UBE4B: variants seen among roughly 807,000 people sequenced by gnomAD.
UBE4B encodes the protein ubiquitin conjugation factor E4 B.
A neutral mutation model predicts 148.1 loss-of-function variants in UBE4B; 27 were observed. That is an observed-to-expected ratio of 0.18 (90% CI 0.13 to 0.25). The LOEUF (loss-of-function observed/expected upper bound fraction) is 0.25, where lower values mean the gene tolerates loss of function less well. Ranked by LOEUF, UBE4B falls within the 10% of genes least tolerant of loss-of-function variation. UBE4B has a pLI of 1.00. For missense variants in UBE4B, 1,170 were observed against 1,662.4 expected (o/e 0.70, Z 5.15); for synonymous variants, 596 against 619.3 (o/e 0.96, Z 0.56).
At chr1:10,079,969 G>A (rs568419807) in intron 2 of UBE4B, among the ~76,000 whole-genome samples, 1 of 152,226 alleles carries the variant, frequency 6.6e-6, no homozygotes, top group Admixed American at 6.5e-5. Flanking sequence ...GGGCCTCCAG[G>A]GGCTCACTGT....
chr1:10,152,961 G>A (rs1646001817), intron 21 of UBE4B, among the ~76,000 whole-genome samples: 1 of 151,778 alleles, frequency 6.6e-6, no homozygotes, highest in South Asian at 2.1e-4. Flanking sequence ...TCTGTGGAAG[G>A]CCCTTGGCCA....
At position 10,119,524 on chromosome 1, in the gene UBE4B, G is replaced by T; in HGVS notation, c.1350G>T (p.Gln450His). 1 of 1,613,584 alleles carries T rather than the reference G, an allele frequency of 6.2e-7. No homozygotes were observed. Among genetic ancestry groups the T allele is most frequent in the Non-Finnish European group, 8.5e-7 (1 of 1,179,626 alleles). Residue 450 changes from glutamine (Q) to histidine (H), a missense_variant, in exon 9 of 28, where the codon CAG (glutamine) becomes CAT (histidine). Coordinates refer to ENST00000343090, the MANE Select transcript of UBE4B (RefSeq NM_001105562.3). ...EEKKAPKMCS[Q>H]PAVSQLLSNI... ...CCTTTCCTTTTCAGATGTGCAGCCA[G>T]CCAGCAGTCAGCCAGCTTCTGAGCA...
intron 20 of UBE4B, among the ~76,000 whole-genome samples, chr1:10,150,355 T>C (rs1486101260): frequency 2.0e-5 from 3 of 152,224 alleles, no homozygotes; most frequent in Non-Finnish European, 2.9e-5. Context: ...ATTTGTTCTA[T>C]GCACAGTGAT....
At chr1:10,177,670 T>C (rs1646447798) in intron 25 of UBE4B, among the ~76,000 whole-genome samples, 1 of 151,614 alleles carries the variant, frequency 6.6e-6, no homozygotes, top group Non-Finnish European at 1.5e-5. Context: ...TATATATATA[T>C]ATTTATAGTA....
In UBE4B at chr1:10,146,895, T is replaced by TGCCCAGTCCCC. The variant is rs1013962739; in HGVS notation, c.2464-67_2464-57dup. 1.6e-5 allele frequency: 25 copies of TGCCCAGTCCCC among 1,578,982 alleles called. No individual in the cohort carries two copies. The African/African-American group carries it at 2.4e-4, about 15-fold the overall frequency. On this transcript the variant is annotated intron_variant, in intron 18 of 27. Transcript: ENST00000343090. ...TTTCCCATCTCCTGGCCCCAGTCCC[T>TGCCCAGTCCCC]GCCCAGTCCCCCTGTAGGGACTTAG...
chr1:10,129,953 G>GT (rs902134725), intron 12 of UBE4B, among the ~76,000 whole-genome samples: 6 of 151,500 alleles, frequency 4.0e-5, no homozygotes, highest in South Asian at 2.1e-4. Context: ...CACCGGGCCT[G>GT]TTTTTTTTCC....
chr1:10,136,482 TAAAAA>T (rs35569014), intron 16 of UBE4B, among the ~76,000 whole-genome samples: 1 of 123,904 alleles, frequency 8.1e-6, no homozygotes, highest in African/African-American at 2.9e-5. Context: ...AAGACCCTCT[TAAAAA>T]AAAAAAAAAA....
At position 10,129,433 on chromosome 1, in the gene UBE4B, C is replaced by G. The variant is rs1645554648; in HGVS notation, c.1680C>G (p.His560Gln). The G allele has an allele frequency of 2.5e-6, 4 of 1,612,122 alleles. No homozygotes were observed. Among genetic ancestry groups the G allele is most frequent in the Non-Finnish European group, 3.4e-6 (4 of 1,178,472 alleles). The change falls in exon 12 of 28, where the codon CAC becomes CAG. Residue 560 changes from histidine to glutamine, a missense_variant. This residue lies in a region of UBE4B where 388 missense variants were observed against 536.0 expected (regional missense o/e 0.72). Transcript: ENST00000343090. ...ELCETKFGKTHPVCNLVASLR... is the reference protein window; with the variant it reads ...ELCETKFGKTQPVCNLVASLR... ...GTGAAACCAAGTTTGGGAAGACACA[C>G]CCTGTGTGCAATTTGGTAAGCACTC...
intron 17 of UBE4B, among the ~76,000 whole-genome samples, chr1:10,138,068 G>T (rs1321996611): frequency 1.5e-4 from 23 of 150,162 alleles, no homozygotes; most frequent in Admixed American, 1.5e-3. Context: ...CCGAGTAGCT[G>T]GGATTACAGA....
chr1:10,178,905 T>G (rs1299250137), intron 26 of UBE4B, 87 bp downstream of exon 26: 11 of 1,401,588 alleles, frequency 7.8e-6, no homozygotes, highest in African/African-American at 1.5e-5. Context: ...GTGCAATTAA[T>G]TTTTTAATGG....
At chr1:10,169,471 T>G (rs1045584464) in intron 24 of UBE4B, among the ~76,000 whole-genome samples, 7 of 152,160 alleles carry the variant, frequency 4.6e-5, no homozygotes, top group African/African-American at 7.2e-5. Context: ...ATAAACAGAT[T>G]TCAGTGCAAG....
rs1031058385 is a variant in UBE4B at position 10,033,458 on chromosome 1, A to G, written c.-213A>G. 15 of 419,922 alleles carry G rather than the reference A, an allele frequency of 3.6e-5. No individual in the cohort carries two copies. Among genetic ancestry groups the G allele is most frequent in the African/African-American group, 3.1e-4 (15 of 48,742 alleles). 26.0% of individuals were successfully genotyped at this position (419,922 alleles called of 1,614,324 possible). On this transcript the variant is annotated 5_prime_UTR_variant, in exon 1 of 28. Transcript: ENST00000343090. Reference sequence around the variant, plus strand: ...GGCTGCTCAGGGAACAAGCGGCTGTAGTAGTCTGTGGGGCGACTGGAGTGA... The same window carrying G: ...GGCTGCTCAGGGAACAAGCGGCTGTGGTAGTCTGTGGGGCGACTGGAGTGA...
chr1:10,167,896 ACTT>A lies in UBE4B; in HGVS notation c.3199-236_3199-234del, dbSNP rs532916448. On this transcript the variant is annotated intron_variant, in intron 23 of 27. Transcript: ENST00000343090. Reference sequence around the variant, plus strand: ...GAGCCACCACGCCCGGCAGATGGTGACTTCTTTTATCATTGAGGAAGCAGAGTT... The same window carrying A: ...GAGCCACCACGCCCGGCAGATGGTGACTTTTATCATTGAGGAAGCAGAGTT... Among the ~76,000 whole-genome samples, 353 of 152,040 alleles carry A rather than the reference ACTT, an allele frequency of 2.3e-3. 4 individuals are homozygous for A. The highest frequency in any genetic ancestry group is 3.5e-3 in the Non-Finnish European group (241 of 67,954).
chr1:10,061,862 A>G (rs569949105), intron 1 of UBE4B, among the ~76,000 whole-genome samples: 12 of 150,336 alleles, frequency 8.0e-5, no homozygotes, highest in Non-Finnish European at 2.9e-5. Context: ...CTGTGTTGCT[A>G]TACGTGTGTA....
chr1:10,136,785 A>G (rs115627613), intron 16 of UBE4B, among the ~76,000 whole-genome samples: 2,618 of 151,940 alleles, frequency 0.017, 33 homozygotes, highest in Non-Finnish European at 0.027. Context: ...CAGGTGTGGT[A>G]GCACACGCCT....
intron 2 of UBE4B, among the ~76,000 whole-genome samples, chr1:10,077,256 G>A (rs181029808): frequency 9.8e-4 from 149 of 152,214 alleles, no homozygotes; most frequent in African/African-American, 3.1e-3. Flanking sequence ...GGCAGTCCTT[G>A]GCATTTCTTG....
At position 10,095,607 on chromosome 1, in the gene UBE4B, G is replaced by A; in HGVS notation, c.347+11G>A. 6.2e-7 allele frequency: 1 copy of A among 1,613,770 alleles called. No homozygotes were observed. Among genetic ancestry groups the A allele is most frequent in the Non-Finnish European group, 8.5e-7 (1 of 1,179,920 alleles). ...CTCATGTGAGAAAAGGTAAAATGAA[G>A]CCAGTTTTCTAATATGCTCTTTTAT... is the stretch of plus-strand genomic sequence containing the variant. On this transcript the variant is annotated intron_variant, in intron 3 of 27. Coordinates refer to ENST00000343090, the MANE Select transcript of UBE4B (RefSeq NM_001105562.3).
intron 7 of UBE4B, among the ~76,000 whole-genome samples, chr1:10,112,062 C>T (rs1442030670): frequency 6.6e-6 from 1 of 151,972 alleles, no homozygotes; most frequent in Non-Finnish European, 1.5e-5. Flanking sequence ...GCTTTAAGAG[C>T]AAGTTTTGTT....
chr1:10,045,390 C>G (rs1215597486), intron 1 of UBE4B, among the ~76,000 whole-genome samples: 2 of 152,138 alleles, frequency 1.3e-5, no homozygotes, highest in Non-Finnish European at 2.9e-5. Context: ...CAGAGACACT[C>G]CACATTCCTC....
Sources: allele counts gnomAD v4.1 joint callset (sites outside exome capture counted in the v4.1 genomes callset), GRCh38; gene constraint gnomAD v4.1.1; regional missense constraint gnomAD v4.1.1; transcripts MANE v1.5; gene names NCBI Gene and HGNC (gene_info 2026-07-23, HGNC 2026-07-21).